The following ARMC1 variants were observed in gnomAD, a reference collection of about 807,000 sequenced individuals.
ARMC1 encodes the protein armadillo repeat containing 1, also known as armadillo repeat-containing protein 1.
A neutral mutation model predicts 31.4 loss-of-function variants in ARMC1; 16 were observed. That is an observed-to-expected ratio of 0.51 (90% CI 0.34 to 0.77). The LOEUF is 0.77. Among genes scored for constraint, ARMC1 ranks in the 30% least tolerant of loss-of-function variants. The probability of loss-of-function intolerance (pLI) is 0.01; values close to 1 mark genes in which losing one functional copy is unlikely to be tolerated. For missense variants in ARMC1, 259 were observed against 347.5 expected (o/e 0.75, Z 2.02); for synonymous variants, 114 against 118.9 (o/e 0.96, Z 0.27).
chr8:65,610,825 TG>T (rs776615099), intron 4 of ARMC1, among the ~76,000 whole-genome samples: 70 of 152,348 alleles, frequency 4.6e-4, no homozygotes, highest in Admixed American at 6.5e-4. Flanking sequence ...TACAACTAAT[TG>T]GGTCATCTGT....
At chr8:65,605,372 G>T (rs772413113) in intron 5 of ARMC1, 35 bp from the exon 6 acceptor site, 2 of 1,612,760 alleles carry the variant, frequency 1.2e-6, no homozygotes, top group Non-Finnish European at 1.7e-6. Context: ...TTTTGAAATT[G>T]ATTTGTTTAC....
intron 3 of ARMC1, among the ~76,000 whole-genome samples, chr8:65,616,466 G>A (rs1317866353): frequency 6.6e-6 from 1 of 152,260 alleles, no homozygotes; most frequent in African/African-American, 2.4e-5. Flanking sequence ...GTGCAGTGGC[G>A]TAATCTCGGC....
intron 3 of ARMC1, among the ~76,000 whole-genome samples, chr8:65,615,714 A>G (rs559081452): frequency 2.0e-5 from 3 of 152,096 alleles, no homozygotes; most frequent in African/African-American, 4.8e-5. Context: ...CTTAAAAAGA[A>G]AAAATGAATA....
intron 3 of ARMC1, among the ~76,000 whole-genome samples, chr8:65,617,461 T>A (rs1808296296): frequency 6.6e-6 from 1 of 152,018 alleles, no homozygotes; most frequent in South Asian, 2.1e-4. Flanking sequence ...TAATCTCAAG[T>A]ACCCATGGAC....
chr8:65,615,882 C>CA (rs1186277472), intron 3 of ARMC1, among the ~76,000 whole-genome samples: 1 of 151,170 alleles, frequency 6.6e-6, no homozygotes, highest in African/African-American at 2.4e-5. Context: ...GCAACAAGAG[C>CA]AAGACTCCGT....
intron 2 of ARMC1, among the ~76,000 whole-genome samples, chr8:65,624,514 C>T (rs1157694445): frequency 1.1e-5 from 1 of 89,608 alleles, no homozygotes; most frequent in Non-Finnish European, 2.5e-5. Context: ...AAAAAAAAGA[C>T]ATTTTTAAAT....
At chr8:65,631,629 A>C (rs1808646323) in intron 1 of ARMC1, among the ~76,000 whole-genome samples, 1 of 152,252 alleles carries the variant, frequency 6.6e-6, no homozygotes, top group Admixed American at 6.5e-5. Context: ...TAGGAAACTG[A>C]AAACAGATAA....
Position 65,602,830 on chromosome 8 carries a change from T to TG in ARMC1, c.*1563_*1564insC, listed in dbSNP as rs1048527844. ...TGAAAGTTATTGTTGCTTTTTTTGT[T>TG]TTTTTTTTTTCAGTTTGTGCGTGTC... On this transcript the variant is annotated 3_prime_UTR_variant, in exon 7 of 7. Transcript: ENST00000276569. 2.0e-5 allele frequency: 3 copies of TG among 150,818 alleles called. No homozygotes were observed. The highest frequency in any genetic ancestry group is 7.3e-5 in the African/African-American group (3 of 41,160). The allele number at this position is 150,818 out of a possible 1,614,324, so 9.3% of individuals were successfully genotyped here.
chr8:65,611,852 C>T (rs1054588256), intron 4 of ARMC1, among the ~76,000 whole-genome samples: 1 of 151,842 alleles, frequency 6.6e-6, no homozygotes, highest in African/African-American at 2.4e-5. Context: ...CAGCTCACCA[C>T]AACCTCCACC....
chr8:65,628,893 C>T (rs1563421287), intron 1 of ARMC1, among the ~76,000 whole-genome samples: 1 of 151,672 alleles, frequency 6.6e-6, no homozygotes, highest in South Asian at 2.1e-4. Flanking sequence ...GTGGCTCACG[C>T]CTGTAATCCC....
chr8:65,628,493 C>T (rs559702944), intron 1 of ARMC1, among the ~76,000 whole-genome samples: 30 of 147,900 alleles, frequency 2.0e-4, no homozygotes, highest in African/African-American at 6.0e-4. Flanking sequence ...ATGATCTGCC[C>T]GCCTTGGCCT....
chr8:65,625,607 C>T (rs1808495153), intron 2 of ARMC1, among the ~76,000 whole-genome samples: 3 of 152,074 alleles, frequency 2.0e-5, no homozygotes, highest in Admixed American at 2.0e-4. Context: ...ATAGATCAAC[C>T]CCCTCTTTCT....
chr8:65,624,498 C>CCAAAAAAAAAAAAA (rs1554541922), intron 2 of ARMC1, among the ~76,000 whole-genome samples: 6 of 95,416 alleles, frequency 6.3e-5, no homozygotes, highest in Non-Finnish European at 1.2e-4. Flanking sequence ...GACTCCATCT[C>CCAAAAAAAAAAAAA]AAAAAAAAAA....
intron 2 of ARMC1, among the ~76,000 whole-genome samples, chr8:65,623,754 A>G (rs1808449586): frequency 6.8e-6 from 1 of 146,722 alleles, no homozygotes; most frequent in Admixed American, 6.8e-5. Context: ...CTTATTAGAA[A>G]CCGTACATGC....
intron 4 of ARMC1, among the ~76,000 whole-genome samples, chr8:65,607,719 CAG>C (rs1211604832): frequency 6.6e-6 from 1 of 152,148 alleles, no homozygotes; most frequent in African/African-American, 2.4e-5. Flanking sequence ...CCAAAATCAT[CAG>C]ACTGATTGGC....
chr8:65,616,421 T>G (rs962929464), intron 3 of ARMC1, among the ~76,000 whole-genome samples: 4 of 152,244 alleles, frequency 2.6e-5, no homozygotes, highest in South Asian at 2.1e-4. Flanking sequence ...AGACGGAGTC[T>G]GGTTCACTCA....
chr8:65,623,394 A>T (rs943178592), intron 2 of ARMC1, among the ~76,000 whole-genome samples: 21 of 151,900 alleles, frequency 1.4e-4, no homozygotes, highest in African/African-American at 5.1e-4. Flanking sequence ...CGATCACTTA[A>T]GGTCAGGAGT....
chr8:65,609,986 A>G (rs1354697024), intron 4 of ARMC1, among the ~76,000 whole-genome samples: 2 of 152,226 alleles, frequency 1.3e-5, no homozygotes, highest in Non-Finnish European at 2.9e-5. Context: ...AAAGTTATAT[A>G]ACTTCTCTCT....
intron 2 of ARMC1, among the ~76,000 whole-genome samples, chr8:65,625,440 C>T (rs10957362): frequency 0.046 from 7,047 of 152,256 alleles, 563 homozygotes; most frequent in African/African-American, 0.16. Flanking sequence ...CTTTATCATT[C>T]TCCTCAGTTA....
Sources: allele counts gnomAD v4.1 joint callset (sites outside exome capture counted in the v4.1 genomes callset), GRCh38; gene constraint gnomAD v4.1.1; transcripts MANE v1.5; gene names NCBI Gene and HGNC (gene_info 2026-07-23, HGNC 2026-07-21).